SLC7A14: variants seen among roughly 807,000 people sequenced by gnomAD.
SLC7A14 encodes solute carrier family 7 member 14, also known as gamma-aminobutyric acid transporter SLC7A14.
SLC7A14 carries 37 observed loss-of-function variants against 60.2 expected under a neutral mutation model. The ratio of observed to expected loss-of-function variants is 0.61; its 90% confidence interval spans 0.47 to 0.81. The LOEUF (loss-of-function observed/expected upper bound fraction) is 0.81, where lower values mean the gene tolerates loss of function less well. Ranked by LOEUF, SLC7A14 falls within the 30% of genes least tolerant of loss-of-function variation. The pLI, the probability that SLC7A14 is intolerant of heterozygous loss-of-function variation, is 0.00. For synonymous variants in SLC7A14, 399 were observed against 395.8 expected (o/e 1.01, Z -0.10); for missense variants, 886 against 982.7 (o/e 0.90, Z 1.32).
At chr3:170,555,366 T>C (rs1408200149) in intron 1 of SLC7A14, among the ~76,000 whole-genome samples, 2 of 152,154 alleles carry the variant, frequency 1.3e-5, no homozygotes, top group African/African-American at 4.8e-5. Context: ...AATCTGTATA[T>C]ACAATATTGT....
At chr3:170,492,063 T>G (rs1712236695) in intron 4 of SLC7A14, among the ~76,000 whole-genome samples, 1 of 152,198 alleles carries the variant, frequency 6.6e-6, no homozygotes, top group Non-Finnish European at 1.5e-5. Flanking sequence ...CAAAGACCCA[T>G]GAAATGAAAC....
At chr3:170,477,671 C>G (rs2216441) in intron 7 of SLC7A14, among the ~76,000 whole-genome samples, 124,386 of 152,244 alleles carry the variant, frequency 0.82, 50,961 homozygotes, top group Middle Eastern at 0.89. Context: ...CATCTATAGT[C>G]TCTTTCCAAG....
intron 1 of SLC7A14, among the ~76,000 whole-genome samples, chr3:170,581,333 A>G (rs924913721): frequency 2.0e-5 from 3 of 152,128 alleles, no homozygotes; most frequent in Non-Finnish European, 4.4e-5. Flanking sequence ...GTATTTTGTT[A>G]TTTCTGAACC....
At chr3:170,474,752 A>G (rs1337886040) in intron 7 of SLC7A14, among the ~76,000 whole-genome samples, 1 of 152,004 alleles carries the variant, frequency 6.6e-6, no homozygotes, top group Non-Finnish European at 1.5e-5. Context: ...TCTCTTTGGG[A>G]TATTTCTATT....
Position 170,484,442 on chromosome 3 carries a change from C to T in SLC7A14, c.907-920G>A, listed in dbSNP as rs61644222. Among the ~76,000 whole-genome samples the T allele has an allele frequency of 2.1e-3, 313 of 152,286 alleles. 2 individuals are homozygous for T. Among genetic ancestry groups the T allele is most frequent in the African/African-American group, 7.3e-3 (302 of 41,544 alleles). The stretch of plus-strand genomic sequence containing the variant: ...GGGGGCTCCCAGGACCTACTCCCCT[C>T]GCATATTATTGATCTGCCTAACATC... On this transcript the variant is annotated intron_variant, in intron 5 of 7. Transcript: ENST00000231706.
intron 1 of SLC7A14, among the ~76,000 whole-genome samples, chr3:170,578,824 T>C (rs929158300): frequency 6.6e-6 from 1 of 152,202 alleles, no homozygotes; most frequent in Admixed American, 6.5e-5. Context: ...GCTTGCAGGA[T>C]ATTGTACACT....
At chr3:170,514,058 C>G (rs1713072010) in intron 2 of SLC7A14, among the ~76,000 whole-genome samples, 2 of 152,266 alleles carry the variant, frequency 1.3e-5, no homozygotes, top group Admixed American at 6.5e-5. Context: ...GTTCTTTTCT[C>G]TCCTTGCACC....
At chr3:170,509,478 C>T (rs889210479) in intron 2 of SLC7A14, among the ~76,000 whole-genome samples, 1 of 152,112 alleles carries the variant, frequency 6.6e-6, no homozygotes, top group African/African-American at 2.4e-5. Context: ...AGTCACCCCC[C>T]AAAACAGGTC....
intron 1 of SLC7A14, among the ~76,000 whole-genome samples, chr3:170,544,116 T>C (rs1276560155): frequency 6.6e-6 from 1 of 152,110 alleles, no homozygotes; most frequent in Non-Finnish European, 1.5e-5. Flanking sequence ...AGCCTAGTAT[T>C]GAGCGTGCTT....
At chr3:170,487,809 G>A (rs1712082845) in intron 4 of SLC7A14, among the ~76,000 whole-genome samples, 1 of 152,180 alleles carries the variant, frequency 6.6e-6, no homozygotes, top group South Asian at 2.1e-4. Context: ...TGCTGGTAAA[G>A]AATTGCATAT....
intron 1 of SLC7A14, among the ~76,000 whole-genome samples, chr3:170,549,619 C>T (rs1714283856): frequency 1.3e-5 from 2 of 152,168 alleles, no homozygotes; most frequent in South Asian, 2.1e-4. Flanking sequence ...CAGTGTGACA[C>T]TTATGACCGC....
At chr3:170,548,601 G>T (rs1341258860) in intron 1 of SLC7A14, among the ~76,000 whole-genome samples, 1 of 152,192 alleles carries the variant, frequency 6.6e-6, no homozygotes, top group Non-Finnish European at 1.5e-5. Context: ...AATCAACTGG[G>T]AAACTTAACA....
chr3:170,579,136 G>C (rs1191728801), intron 1 of SLC7A14, among the ~76,000 whole-genome samples: 1 of 152,152 alleles, frequency 6.6e-6, no homozygotes, highest in Non-Finnish European at 1.5e-5. Context: ...CATGACTAAT[G>C]AAATGATGCA....
rs1395348244 is a variant in SLC7A14, at chr3:170,510,398, AAATAAATAAAT to A, written c.305-9064_305-9054del. Among the ~76,000 whole-genome samples, 6 of 139,648 alleles carry A rather than the reference AAATAAATAAAT, an allele frequency of 4.3e-5. 1 individual carries two copies. Among genetic ancestry groups the A allele is most frequent in the Non-Finnish European group, 9.3e-5 (6 of 64,732 alleles). 91.6% of individuals were successfully genotyped at this position (139,648 alleles called of 152,430 possible). Reference sequence around the variant, plus strand: ...GAGCAAGACTCTGTCAAAAAAAAAAAAATAAATAAATAAATAAATAAATAAAGAATGTAACC... The same window carrying A: ...GAGCAAGACTCTGTCAAAAAAAAAAAAAATAAATAAATAAAGAATGTAACC... On this transcript the variant is annotated intron_variant, in intron 2 of 7. Transcript: ENST00000231706.
In SLC7A14 at chr3:170,481,043, G is replaced by A. The variant is rs779151065; in HGVS notation, c.1239C>T (p.Ile413=). ...CCAAGGTGTAGGCCAGGAGCGTGCC[G>A]ATAGACATCATCTCTATCAGGTCTC... The part of the protein sequence containing the change: ...SLRDLIEMMS[I]GTLLAYTLVS... Residue 413 remains isoleucine (I), a synonymous_variant, in exon 7 of 8, where the codon ATC becomes ATT. Coordinates refer to ENST00000231706, the MANE Select transcript of SLC7A14 (RefSeq NM_020949.3). 9.3e-6 allele frequency: 15 copies of A among 1,613,930 alleles called. No individual in the cohort carries two copies. Among genetic ancestry groups the A allele is most frequent in the East Asian group, 2.2e-5 (1 of 44,886 alleles).
Position 170,467,350 on chromosome 3 carries a change from A to C in SLC7A14, c.2021T>G (p.Ile674Ser). The C allele has an allele frequency of 6.2e-7, 1 of 1,606,706 alleles. No homozygotes were observed. Among genetic ancestry groups the C allele is most frequent in the Non-Finnish European group, 8.5e-7 (1 of 1,175,972 alleles). The stretch of plus-strand genomic sequence containing the variant: ...GCTGATTTCCAGGGTGCTGTTCCAG[A>C]TGCCATATCCAAAATAAATGAGCAG... ...VGLLIYFGYG[I>S]WNSTLEISAR... Residue 674 changes from isoleucine (I) to serine (S), a missense_variant, in exon 8 of 8, where the codon ATC (isoleucine) becomes AGC (serine). By Grantham distance (142) the Ile-to-Ser change is moderately radical. Transcript: ENST00000231706.
At chr3:170,582,952 G>A (rs1195678304) in intron 1 of SLC7A14, among the ~76,000 whole-genome samples, 1 of 152,184 alleles carries the variant, frequency 6.6e-6, no homozygotes, top group Non-Finnish European at 1.5e-5. Flanking sequence ...CTTTAGTGGA[G>A]CCACCTACTT....
intron 1 of SLC7A14, among the ~76,000 whole-genome samples, chr3:170,558,556 C>T (rs1714549656): frequency 6.6e-6 from 1 of 152,170 alleles, no homozygotes; most frequent in Non-Finnish European, 1.5e-5. Context: ...AGTTCACAAT[C>T]CCCATTCTAC....
At chr3:170,482,691 T>C (rs1050053470) in intron 6 of SLC7A14, among the ~76,000 whole-genome samples, 1 of 152,218 alleles carries the variant, frequency 6.6e-6, no homozygotes, top group Non-Finnish European at 1.5e-5. Flanking sequence ...GATCAAATCC[T>C]GACCTGCCAC....
Sources: allele counts gnomAD v4.1 joint callset (sites outside exome capture counted in the v4.1 genomes callset), GRCh38; gene constraint gnomAD v4.1.1; transcripts MANE v1.5; gene names NCBI Gene and HGNC (gene_info 2026-07-23, HGNC 2026-07-21).